SHISA9: variants seen among roughly 807,000 people sequenced by gnomAD.
The protein encoded by SHISA9 is protein shisa-9.
In SHISA9, 13 loss-of-function variants were observed where a neutral mutation model predicts 38.0. The ratio of observed to expected loss-of-function variants is 0.34; its 90% CI spans 0.22 to 0.54. The LOEUF is 0.54. Ranked by LOEUF, SHISA9 falls within the 20% of genes least tolerant of loss-of-function variation. The pLI is 0.91. For missense variants in SHISA9, 538 were observed against 575.8 expected (o/e 0.93, Z 0.67); for synonymous variants, 275 against 242.0 (o/e 1.14, Z -1.27).
intron 1 of SHISA9, among the ~76,000 whole-genome samples, chr16:12,906,912 G>GGGCAAA (rs2071103709): frequency 6.6e-6 from 1 of 152,092 alleles, no homozygotes; most frequent in Non-Finnish European, 1.5e-5. Flanking sequence ...TAAGGGCAAA[G>GGGCAAA]GGCAAAACTG....
chr16:13,006,057 T>TGCGC (rs1238572824), intron 2 of SHISA9, among the ~76,000 whole-genome samples: 2 of 152,152 alleles, frequency 1.3e-5, no homozygotes, highest in Non-Finnish European at 2.9e-5. Flanking sequence ...CAGTGAAGCA[T>TGCGC]GCGCGCACGC....
chr16:13,024,443 T>G (rs1184591986), intron 2 of SHISA9, among the ~76,000 whole-genome samples: 1 of 152,214 alleles, frequency 6.6e-6, no homozygotes, highest in Non-Finnish European at 1.5e-5. Context: ...TTTGGCTGGT[T>G]CAGATGCAAC....
At chr16:12,941,648 T>A (rs1354779479) in intron 2 of SHISA9, among the ~76,000 whole-genome samples, 1 of 152,184 alleles carries the variant, frequency 6.6e-6, no homozygotes, top group Non-Finnish European at 1.5e-5. Context: ...CTGAGGTCAG[T>A]TCGAGACCAG....
At chr16:13,085,758 C>T (rs2073703719) in intron 2 of SHISA9, among the ~76,000 whole-genome samples, 1 of 152,120 alleles carries the variant, frequency 6.6e-6, no homozygotes, top group African/African-American at 2.4e-5. Flanking sequence ...ATTTCTATAT[C>T]CCTTGACTCA....
intron 2 of SHISA9, among the ~76,000 whole-genome samples, chr16:13,085,333 C>T (rs750143389): frequency 1.3e-5 from 2 of 150,606 alleles, no homozygotes; most frequent in Admixed American, 6.6e-5. Context: ...AGTATTTTGT[C>T]TAAAGGATTA....
chr16:13,355,190 G>C, the SHISA9 span, among the ~76,000 whole-genome samples: 2,387 of 149,616 alleles, frequency 0.016, 55 homozygotes, highest in African/African-American at 0.054. Flanking sequence ...GGCTTGTCTG[G>C]TTTTAGGACA....
the SHISA9 span, among the ~76,000 whole-genome samples, chr16:13,281,562 T>G: frequency 2.4e-3 from 174 of 72,848 alleles, no homozygotes; most frequent in African/African-American, 6.2e-3. Context: ...CATTCCTCTG[T>G]TTTTTTTTTT....
At chr16:13,402,091 A>T in the SHISA9 span, among the ~76,000 whole-genome samples, 2 of 150,594 alleles carry the variant, frequency 1.3e-5, no homozygotes, top group Admixed American at 1.3e-4. Context: ...CAGCCAAACC[A>T]TATAATCAGT....
intron 2 of SHISA9, among the ~76,000 whole-genome samples, chr16:13,150,180 T>C (rs2050486682): frequency 6.6e-6 from 1 of 152,070 alleles, no homozygotes; most frequent in African/African-American, 2.4e-5. Flanking sequence ...CAAATTGGCC[T>C]TTCAGGAGTT....
At chr16:13,329,801 C>T in the SHISA9 span, among the ~76,000 whole-genome samples, 3 of 152,308 alleles carry the variant, frequency 2.0e-5, no homozygotes, top group African/African-American at 4.8e-5. Flanking sequence ...TGCGTCCGTC[C>T]TGGAAAGATA....
At chr16:13,549,981 C>T in the SHISA9 span, among the ~76,000 whole-genome samples, 3 of 151,260 alleles carry the variant, frequency 2.0e-5, no homozygotes, top group African/African-American at 7.3e-5. Flanking sequence ...CGAGATTGTG[C>T]CACTGCACTC....
the SHISA9 span, among the ~76,000 whole-genome samples, chr16:13,292,010 G>T: frequency 1.3e-5 from 2 of 151,800 alleles, no homozygotes; most frequent in African/African-American, 4.8e-5. Flanking sequence ...TTATATCTGA[G>T]TCTATATATT....
the SHISA9 span, among the ~76,000 whole-genome samples, chr16:13,463,054 G>T: frequency 1.3e-5 from 2 of 152,272 alleles, no homozygotes; most frequent in East Asian, 3.9e-4. Flanking sequence ...TACCAGGGAG[G>T]CTGAGGTGGG....
At chr16:13,364,217 C>T in the SHISA9 span, among the ~76,000 whole-genome samples, 1 of 152,222 alleles carries the variant, frequency 6.6e-6, no homozygotes, top group Non-Finnish European at 1.5e-5. Context: ...TTCTCTGAAA[C>T]ACCTGTGCCC....
rs186579624 is a variant in SHISA9 at position 13,159,997 on chromosome 16, C to T, written c.692-43397C>T. On this transcript the variant is annotated intron_variant, in intron 2 of 4. Transcript: ENST00000558583. ...AATTTTCCATTCTGGTAGAGGAAAG[C>T]GAAAATAAACAAGAAATAAAATAAT... Among the ~76,000 whole-genome samples, 204 of 152,224 alleles carry T rather than the reference C, an allele frequency of 1.3e-3. 2 individuals are homozygous for T. Among genetic ancestry groups the T allele is most frequent in the African/African-American group, 4.3e-3 (179 of 41,526 alleles).
At chr16:13,420,620 G>A in the SHISA9 span, among the ~76,000 whole-genome samples, 1 of 152,140 alleles carries the variant, frequency 6.6e-6, no homozygotes, top group East Asian at 1.9e-4. Flanking sequence ...AGCACAGAAG[G>A]GAGGGTGTCT....
the SHISA9 span, among the ~76,000 whole-genome samples, chr16:13,339,806 CA>C: frequency 6.6e-6 from 1 of 152,098 alleles, no homozygotes; most frequent in African/African-American, 2.4e-5. Flanking sequence ...GTTAGTTTTC[CA>C]TAATGTGGAG....
At chr16:13,346,012 T>G in the SHISA9 span, among the ~76,000 whole-genome samples, 3 of 152,192 alleles carry the variant, frequency 2.0e-5, no homozygotes, top group Non-Finnish European at 4.4e-5. Flanking sequence ...AAGTGCAGCT[T>G]TGTTACAGGA....
the SHISA9 span, among the ~76,000 whole-genome samples, chr16:13,403,860 C>G: frequency 1.1e-4 from 16 of 152,264 alleles, no homozygotes; most frequent in East Asian, 2.9e-3. Context: ...ACTTTACCTG[C>G]ATTGGCCTCA....
Sources: gnomAD v4.1 joint callset for allele counts (sites outside exome capture counted in the v4.1 genomes callset) on GRCh38, gnomAD v4.1.1 for gene constraint, MANE v1.5 for transcripts, NCBI Gene and HGNC (gene_info 2026-07-23, HGNC 2026-07-21) for gene names.